Variants in TENM3 observed in about 807,000 individuals in gnomAD.
TENM3 encodes the protein teneurin transmembrane protein 3.
TENM3 carries 63 observed loss-of-function variants against 255.1 expected under a neutral mutation model. The observed-to-expected ratio is 0.25, with a 90% CI of 0.20 to 0.30. The LOEUF (loss-of-function observed/expected upper bound fraction) is 0.30. TENM3 is among the 10% of genes least tolerant of loss of function. The pLI is 1.00. For missense variants in TENM3, 2,929 were observed against 3,461.1 expected (o/e 0.85, Z 3.86); for synonymous variants, 1,306 against 1,322.3 (o/e 0.99, Z 0.27).
At chr4:181,922,027 G>A in the TENM3 span, among the ~76,000 whole-genome samples, 2 of 152,226 alleles carry the variant, frequency 1.3e-5, no homozygotes, top group South Asian at 2.1e-4. Flanking sequence ...TTTATATGCT[G>A]GATTACATTT....
At position 182,731,104 on chromosome 4, in the gene TENM3, TCTC is replaced by T; in HGVS notation, c.2935_2937del (p.Pro979del). On this transcript the variant is annotated inframe_deletion, in exon 16 of 28. Coordinates refer to ENST00000511685, the MANE Select transcript of TENM3 (RefSeq NM_001080477.4). ...ACCTTTATCCACCTTTTTCAGATCT[TCTC>T]CTGAAGACAGTCCCATCATTCCCGA... is the stretch of plus-strand genomic sequence containing the variant. The T allele has an allele frequency of 6.2e-7, 1 of 1,613,842 alleles. No homozygotes were observed. Among genetic ancestry groups the T allele is most frequent in the Non-Finnish European group, 8.5e-7 (1 of 1,179,838 alleles).
chr4:182,140,544 T>G (rs1749323132), upstream of TENM3, among the ~76,000 whole-genome samples: 1 of 152,112 alleles, frequency 6.6e-6, no homozygotes, highest in Non-Finnish European at 1.5e-5. Flanking sequence ...CTAAAGCAGA[T>G]GTAATAAAGT....
chr4:182,679,820 C>T lies in TENM3; in HGVS notation c.1481C>T (p.Ala494Val). ...QYLDSGIWHLAFYNDGKNAEQ... is the reference protein window; with the variant it reads ...QYLDSGIWHLVFYNDGKNAEQ... Reference sequence around the variant, plus strand: ...TTGGATTCTGGAATCTGGCATCTGGCTTTTTATAATGATGGGAAAAATGCA... The same window carrying T: ...TTGGATTCTGGAATCTGGCATCTGGTTTTTTATAATGATGGGAAAAATGCA... Residue 494 changes from alanine to valine, a missense_variant, in exon 8 of 28, where the codon GCT (alanine) becomes GTT (valine). Physicochemically the swap from Ala to Val is moderately conservative, Grantham distance 64 (BLOSUM62 0). This residue lies in a region of TENM3 where 1,608 missense variants were observed against 1,884.4 expected (regional missense o/e 0.85). Coordinates refer to ENST00000511685, the MANE Select transcript of TENM3 (RefSeq NM_001080477.4). 6.2e-7 allele frequency: 1 copy of T among 1,613,752 alleles called. No homozygotes were observed. Among genetic ancestry groups the T allele is most frequent in the Non-Finnish European group, 8.5e-7 (1 of 1,179,796 alleles).
chr4:182,230,812 C>CTATATATATATATATA (rs55642239), intron 1 of TENM3, among the ~76,000 whole-genome samples: 7 of 58,062 alleles, frequency 1.2e-4, no homozygotes, highest in East Asian at 7.0e-4. Flanking sequence ...GTTTCTCAAA[C>CTATATATATATATATA]TATATATATA....
At chr4:182,512,254 GA>G (rs918897765) in intron 3 of TENM3, among the ~76,000 whole-genome samples, 2 of 152,154 alleles carry the variant, frequency 1.3e-5, no homozygotes, top group Admixed American at 1.3e-4. Flanking sequence ...GTACCAGGCC[GA>G]AAATGGGCCT....
chr4:182,477,894 T>A (rs558742278), intron 3 of TENM3, among the ~76,000 whole-genome samples: 1 of 152,320 alleles, frequency 6.6e-6, no homozygotes, highest in South Asian at 2.1e-4. Flanking sequence ...AATAAAATTA[T>A]GCAGATGCTC....
chr4:181,724,919 A>G, the TENM3 span, among the ~76,000 whole-genome samples: 1 of 152,188 alleles, frequency 6.6e-6, no homozygotes, highest in Admixed American at 6.5e-5. Flanking sequence ...CCTTTCAGGG[A>G]GTAAGGAAAG....
chr4:182,156,939 G>A (rs1421353157), intron 1 of TENM3, among the ~76,000 whole-genome samples: 1 of 152,188 alleles, frequency 6.6e-6, no homozygotes, highest in Non-Finnish European at 1.5e-5. Context: ...ATGATATAAA[G>A]AGGTAACTGA....
At chr4:181,769,837 C>A in the TENM3 span, among the ~76,000 whole-genome samples, 1 of 152,064 alleles carries the variant, frequency 6.6e-6, no homozygotes, top group Non-Finnish European at 1.5e-5. Context: ...TTACTACACC[C>A]CTTTTGTGGA....
the TENM3 span, among the ~76,000 whole-genome samples, chr4:181,604,105 A>G: frequency 6.6e-6 from 1 of 152,080 alleles, no homozygotes; most frequent in Non-Finnish European, 1.5e-5. Context: ...TCTACTAAAA[A>G]TACAAAAAAA....
At chr4:182,639,906 A>G (rs1337445810) in intron 5 of TENM3, among the ~76,000 whole-genome samples, 1 of 151,612 alleles carries the variant, frequency 6.6e-6, no homozygotes, top group Non-Finnish European at 1.5e-5. Context: ...CCTGACCAAC[A>G]TGGTGAAACC....
At chr4:182,119,886 G>C in the TENM3 span, among the ~76,000 whole-genome samples, 1 of 151,960 alleles carries the variant, frequency 6.6e-6, no homozygotes, top group Non-Finnish European at 1.5e-5. Flanking sequence ...ATTTTTTGTA[G>C]AAACATGGTC....
intron 3 of TENM3, among the ~76,000 whole-genome samples, chr4:182,536,755 G>T (rs1395860890): frequency 6.6e-6 from 1 of 152,142 alleles, no homozygotes; most frequent in Non-Finnish European, 1.5e-5. Flanking sequence ...CATGGTGAAC[G>T]TTTCTGTGAA....
In TENM3 at chr4:182,796,623, C is replaced by A. The variant is rs758952991; in HGVS notation, c.7214-14C>A. ...AAACTCCAACACCTTTCATTCTGAACATTCTTCTCCTAGATGTTAACAGCT... is the reference window on the plus strand; with the variant it reads ...AAACTCCAACACCTTTCATTCTGAAAATTCTTCTCCTAGATGTTAACAGCT... On this transcript the variant is annotated splice_polypyrimidine_tract_variant and intron_variant, in intron 26 of 27. Coordinates refer to ENST00000511685, the MANE Select transcript of TENM3 (RefSeq NM_001080477.4). The A allele has an allele frequency of 1.3e-6, 2 of 1,591,368 alleles. 1 individual carries two copies. Among genetic ancestry groups the A allele is most frequent in the South Asian group, 2.3e-5 (2 of 85,352 alleles).
chr4:181,595,180 C>T, the TENM3 span, among the ~76,000 whole-genome samples: 1 of 152,050 alleles, frequency 6.6e-6, no homozygotes, highest in South Asian at 2.1e-4. Context: ...CCTGTAATCC[C>T]AGCACTTTGA....
chr4:181,544,168 G>A, the TENM3 span, among the ~76,000 whole-genome samples: 2 of 151,794 alleles, frequency 1.3e-5, no homozygotes, highest in South Asian at 2.1e-4. Flanking sequence ...AATAACCAAT[G>A]GTGGCAAGTC....
At chr4:181,488,989 A>G in the TENM3 span, among the ~76,000 whole-genome samples, 1 of 152,212 alleles carries the variant, frequency 6.6e-6, no homozygotes, top group Non-Finnish European at 1.5e-5. Flanking sequence ...ATCAGCCTCA[A>G]GGTCCTCTGA....
intron 5 of TENM3, among the ~76,000 whole-genome samples, chr4:182,648,883 T>C (rs1194353594): frequency 6.6e-6 from 1 of 152,218 alleles, no homozygotes; most frequent in Non-Finnish European, 1.5e-5. Context: ...GATTCATCTA[T>C]ATTGTTGTGT....
the TENM3 span, among the ~76,000 whole-genome samples, chr4:181,627,069 C>G: frequency 6.6e-6 from 1 of 152,256 alleles, no homozygotes; most frequent in African/African-American, 2.4e-5. Flanking sequence ...TTATCTGACT[C>G]TAGTGGCTAA....
Sources: gnomAD v4.1 joint callset for allele counts (sites outside exome capture counted in the v4.1 genomes callset) on GRCh38, gnomAD v4.1.1 for gene constraint, gnomAD v4.1.1 regional missense constraint, MANE v1.5 for transcripts, NCBI Gene and HGNC (gene_info 2026-07-23, HGNC 2026-07-21) for gene names.